Variants in TBC1D19 observed in about 807,000 individuals in gnomAD.
TBC1D19 encodes TBC1 domain family member 19, also known as TBC1 domain family, member 19.
TBC1D19 carries 60 observed loss-of-function variants against 89.0 expected under a neutral mutation model. That is an observed-to-expected ratio of 0.67 (90% CI 0.55 to 0.84). The LOEUF (loss-of-function observed/expected upper bound fraction) is 0.84, where lower values mean the gene tolerates loss of function less well. TBC1D19 is among the 40% of genes least tolerant of loss of function. TBC1D19 has a pLI of 0.00. For missense variants in TBC1D19, 500 were observed against 610.8 expected, an observed-to-expected ratio of 0.82 and a Z score of 1.91; for synonymous variants, 189 against 199.7, an observed-to-expected ratio of 0.95 and a Z score of 0.45.
intron 1 of TBC1D19, among the ~76,000 whole-genome samples, chr4:26,588,496 A>C (rs1739569012): frequency 6.6e-6 from 1 of 151,998 alleles, no homozygotes; most frequent in Admixed American, 6.6e-5. Context: ...AAAGCTATTT[A>C]GGTGAAATTT....
At chr4:26,735,560 A>G (rs1717994692) in intron 16 of TBC1D19, 73 bp downstream of exon 16, 1 of 1,302,842 alleles carries the variant, frequency 7.7e-7, no homozygotes, top group Non-Finnish European at 1.0e-6. Flanking sequence ...AAAAATAATG[A>G]CTGACAGATA....
the TBC1D19 span, among the ~76,000 whole-genome samples, chr4:26,816,671 C>T: frequency 6.6e-6 from 1 of 152,056 alleles, no homozygotes. Context: ...ATCAAACAAA[C>T]CCAGGATGAG....
the TBC1D19 span, among the ~76,000 whole-genome samples, chr4:26,810,715 A>C: frequency 2.0e-5 from 3 of 152,078 alleles, no homozygotes; most frequent in East Asian, 5.8e-4. Context: ...ATGAGCACAC[A>C]CCAAGTCTGG....
chr4:26,737,716 A>C (rs1718127543), intron 16 of TBC1D19, among the ~76,000 whole-genome samples: 1 of 152,160 alleles, frequency 6.6e-6, no homozygotes, highest in Non-Finnish European at 1.5e-5. Flanking sequence ...GAACCAGTGT[A>C]CAAAAATAAT....
chr4:26,711,832 C>A (rs1298299831), intron 13 of TBC1D19, among the ~76,000 whole-genome samples: 8 of 152,008 alleles, frequency 5.3e-5, no homozygotes, highest in Admixed American at 4.6e-4. Flanking sequence ...AAATTAGAAT[C>A]TCAGAAGTTA....
the TBC1D19 span, among the ~76,000 whole-genome samples, chr4:26,814,851 G>A: frequency 1.8e-4 from 28 of 151,964 alleles, no homozygotes; most frequent in African/African-American, 6.3e-4. Flanking sequence ...CAAGAGCCTC[G>A]TCTCTACAAA....
chr4:26,587,929 T>C (rs1238945775), intron 1 of TBC1D19, among the ~76,000 whole-genome samples: 1 of 152,048 alleles, frequency 6.6e-6, no homozygotes, highest in Non-Finnish European at 1.5e-5. Context: ...TTTACTGGTA[T>C]AAAATTGTTT....
chr4:26,733,332 C>T (rs938840163), intron 15 of TBC1D19, among the ~76,000 whole-genome samples: 3 of 152,036 alleles, frequency 2.0e-5, no homozygotes, highest in African/African-American at 4.8e-5. Flanking sequence ...AGTATAGGCC[C>T]TAAGCTATTT....
At chr4:26,803,831 C>G in the TBC1D19 span, among the ~76,000 whole-genome samples, 3 of 142,092 alleles carry the variant, frequency 2.1e-5, no homozygotes, top group Non-Finnish European at 4.5e-5. Context: ...AGGAAAATGT[C>G]TCTTTTGCAT....
At chr4:26,673,985 C>T in intron 11 of TBC1D19, 97 bp downstream of exon 11, 3 of 624,038 alleles carry the variant, frequency 4.8e-6, no homozygotes, top group South Asian at 5.0e-5. Flanking sequence ...GTTTCTTAAT[C>T]TATTATTAAC....
At chr4:26,610,211 TA>T (rs1448604053) in intron 1 of TBC1D19, among the ~76,000 whole-genome samples, 4 of 151,958 alleles carry the variant, frequency 2.6e-5, no homozygotes, top group Non-Finnish European at 5.9e-5. Flanking sequence ...TGAAACTTTT[TA>T]ACCCATAAGT....
chr4:26,760,938 T>G (rs1719439576), downstream of TBC1D19, among the ~76,000 whole-genome samples: 2 of 152,198 alleles, frequency 1.3e-5, no homozygotes, highest in African/African-American at 4.8e-5. Flanking sequence ...GGTTTTGTTT[T>G]TGCACGTGGA....
chr4:26,681,557 AAT>A (rs1553908693), intron 11 of TBC1D19, among the ~76,000 whole-genome samples: 2 of 151,712 alleles, frequency 1.3e-5, no homozygotes, highest in Non-Finnish European at 2.9e-5. Context: ...TCTCAAAAAA[AAT>A]ATATATATAT....
At chr4:26,758,817 C>T (rs1245599669), downstream of TBC1D19, among the ~76,000 whole-genome samples, 1 of 152,130 alleles carries the variant, frequency 6.6e-6, no homozygotes, top group African/African-American at 2.4e-5. Flanking sequence ...TTAGGTGATG[C>T]ACAATAATAA....
At chr4:26,823,595 T>C in the TBC1D19 span, among the ~76,000 whole-genome samples, 20 of 152,134 alleles carry the variant, frequency 1.3e-4, no homozygotes, top group African/African-American at 4.6e-4. Flanking sequence ...GTGTGGAATC[T>C]GGAGATGGGT....
At chr4:26,587,832 G>A (rs894656703) in intron 1 of TBC1D19, among the ~76,000 whole-genome samples, 2 of 151,610 alleles carry the variant, frequency 1.3e-5, no homozygotes, top group African/African-American at 2.4e-5. Flanking sequence ...ATATATGCAG[G>A]CCATTCAGGT....
chr4:26,600,047 T>C (rs952157642), intron 1 of TBC1D19, among the ~76,000 whole-genome samples: 1 of 151,950 alleles, frequency 6.6e-6, no homozygotes, highest in African/African-American at 2.4e-5. Flanking sequence ...TATGTTATCA[T>C]GCATTATTTG....
chr4:26,637,486 C>T (rs896972085), intron 5 of TBC1D19, among the ~76,000 whole-genome samples: 1 of 152,106 alleles, frequency 6.6e-6, no homozygotes, highest in Non-Finnish European at 1.5e-5. Flanking sequence ...AATTCTCCTG[C>T]CTCAGCCTCC....
chr4:26,613,806 T>C (rs1265989738), intron 2 of TBC1D19, among the ~76,000 whole-genome samples: 2 of 152,216 alleles, frequency 1.3e-5, no homozygotes, highest in African/African-American at 4.8e-5. Flanking sequence ...TTTCCTTGTA[T>C]GCTTTCACAG....
Sources: gnomAD v4.1 joint callset for allele counts (sites outside exome capture counted in the v4.1 genomes callset) on GRCh38, gnomAD v4.1.1 for gene constraint, MANE v1.5 for transcripts, NCBI Gene and HGNC (gene_info 2026-07-23, HGNC 2026-07-21) for gene names.